The following MACF1 variants were observed in gnomAD, a reference collection of about 807,000 sequenced individuals.
MACF1 encodes microtubule actin crosslinking factor 1, also known as microtubule-actin cross-linking factor 1.
MACF1 carries 193 observed loss-of-function variants against 854.8 expected under a neutral mutation model. The observed-to-expected ratio is 0.23, with a 90% CI of 0.20 to 0.25. The LOEUF is 0.25. Among genes scored for constraint, MACF1 ranks in the 10% least tolerant of loss-of-function variants. The probability of loss-of-function intolerance (pLI) is 1.00; values close to 1 mark genes in which losing one functional copy is unlikely to be tolerated. For synonymous variants in MACF1, 3,185 were observed against 3,226.7 expected, an observed-to-expected ratio of 0.99 and a Z score of 0.44; for missense variants, 7,722 against 8,929.1, an observed-to-expected ratio of 0.86 and a Z score of 5.45.
In MACF1 at chr1:39,336,640, T is replaced by C. The variant is rs1181215538; in HGVS notation, c.10052T>C (p.Phe3351Ser). Residue 3351 changes from phenylalanine to serine, a missense_variant, in exon 37 of 101, where the codon TTC becomes TCC. Physicochemically the swap from Phe to Ser is radical, Grantham distance 155. Around this residue, in one of 15 missense-constraint regions of MACF1, gnomAD observed 854 missense variants for 852.6 expected, o/e 1.00. Coordinates refer to ENST00000564288, the MANE Select transcript of MACF1 (RefSeq NM_001394062.1). ...KGNGGVNPEP[F>S]RATQNVFTRQ... The stretch of plus-strand genomic sequence containing the variant: ...AATGGAGGTGTAAACCCAGAGCCCT[T>C]CAGAGCAACTCAGGTCAGTGGTGTG... 1 of 1,599,578 alleles carries C rather than the reference T, an allele frequency of 6.3e-7. No homozygotes were observed. The highest frequency in any genetic ancestry group is 1.4e-5 in the African/African-American group (1 of 73,516).
intron 2 of MACF1, among the ~76,000 whole-genome samples, chr1:39,144,342 A>G (rs1285965243): frequency 6.6e-6 from 1 of 152,072 alleles, no homozygotes; most frequent in Non-Finnish European, 1.5e-5. Flanking sequence ...CGGCCTCCCA[A>G]AGTGCTGGGA....
At chr1:39,404,091 G>A in intron 58 of MACF1, among the ~76,000 whole-genome samples, 1 of 151,524 alleles carries the variant, frequency 6.6e-6, no homozygotes, top group Non-Finnish European at 1.5e-5. Context: ...TCGTGCCACT[G>A]CATTCCAGCC....
chr1:39,336,129 GCA>G lies in MACF1; in HGVS notation c.9542_9543del (p.Ala3181GlufsTer4). The G allele has an allele frequency of 6.2e-7, 1 of 1,614,128 alleles. No individual in the cohort carries two copies. On this transcript the variant is annotated frameshift_variant, in exon 37 of 101. Transcript: ENST00000564288. LOFTEE classifies it high-confidence loss of function. ...ATACCAAGAAGTATCTTTTGACCCA[GCA>G]AGAGGTCTTAAATTGGAAGAAATCA... is the stretch of plus-strand genomic sequence containing the variant. Reference protein sequence around the residue: ...KSYQEVSFDPARGLKLEEITV... With the variant: ...KSYQEVSFDPXRGLKLEEITV...
chr1:39,411,661 A>G (rs1320656574), intron 58 of MACF1: 1 of 1,613,932 alleles, frequency 6.2e-7, no homozygotes, highest in Non-Finnish European at 8.5e-7. Context: ...CTCAGTGCAG[A>G]TGTTTCTTGA....
At chr1:39,184,014 T>C (rs1644136837) in intron 2 of MACF1, among the ~76,000 whole-genome samples, 1 of 152,182 alleles carries the variant, frequency 6.6e-6, no homozygotes. Context: ...ACAGGAACCT[T>C]GATTGAGCTG....
At chr1:39,292,182 CTT>C in intron 16 of MACF1, 144 bp downstream of exon 16, 1 of 919,344 alleles carries the variant, frequency 1.1e-6, no homozygotes, top group Non-Finnish European at 1.6e-6. Flanking sequence ...GACAAATTCC[CTT>C]TTCACATGAA....
chr1:39,125,111 CAAAA>C (rs977828195), intron 2 of MACF1, among the ~76,000 whole-genome samples: 1 of 151,342 alleles, frequency 6.6e-6, no homozygotes, highest in Non-Finnish European at 1.5e-5. Flanking sequence ...AGCAATTAAA[CAAAA>C]AAAGACAAAA....
chr1:39,413,039 C>T (rs540075106), intron 58 of MACF1: 2 of 1,589,940 alleles, frequency 1.3e-6, no homozygotes, highest in Admixed American at 1.8e-5. Context: ...GCAGTTGCTG[C>T]AGTGTCCTCC....
chr1:39,103,104 A>C, intron 2 of MACF1: 1 of 552,024 alleles, frequency 1.8e-6, no homozygotes, highest in Non-Finnish European at 3.3e-6. Flanking sequence ...CTCTAGCCAC[A>C]ACCTAAAGCA....
Position 39,205,052 on chromosome 1 carries a change from A to G in MACF1, c.30A>G (p.Pro10=). Residue 10 remains proline, a synonymous_variant, in exon 1 of 101, where the codon CCA becomes CCG. Transcript: ENST00000564288. MPLLDSSYL[P]PTIFILTHVL... The stretch of plus-strand genomic sequence containing the variant: ...CCCTCTTAGATTCATCTTATTTACC[A>G]CCAACCATCTTTATTTTGACTCACG... 1 of 702,916 alleles carries G rather than the reference A, an allele frequency of 1.4e-6. No homozygotes were observed. Among genetic ancestry groups the G allele is most frequent in the Non-Finnish European group, 2.6e-6 (1 of 384,988 alleles). 43.5% of individuals were successfully genotyped at this position (702,916 alleles called of 1,614,324 possible).
At chr1:39,143,653 A>G (rs1383089043) in intron 2 of MACF1, among the ~76,000 whole-genome samples, 2 of 152,178 alleles carry the variant, frequency 1.3e-5, no homozygotes, top group East Asian at 3.8e-4. Flanking sequence ...TTACTGTTAC[A>G]TCTTACCACT....
rs942006599 is a variant in MACF1, at chr1:39,180,953, C to T, written c.221-50229C>T. On this transcript the variant is annotated intron_variant, in intron 2 of 93. Transcript: ENST00000361689. ...ACAGGGTCTGGCTCTGTTGCCCAGG[C>T]TCGACTACAGTAGCCCATCTCTGTT... Among the ~76,000 whole-genome samples the T allele has an allele frequency of 2.0e-5, 3 of 152,162 alleles. No homozygotes were observed. In the South Asian group the frequency reaches 6.2e-4, roughly 32 times the overall value.
At chr1:39,224,960 G>A (rs549926395) in intron 1 of MACF1, among the ~76,000 whole-genome samples, 1 of 152,222 alleles carries the variant, frequency 6.6e-6, no homozygotes. Flanking sequence ...TGAGGTGGGA[G>A]GATCACATGA....
chr1:39,275,349 T>G (rs1557557968), intron 6 of MACF1, among the ~76,000 whole-genome samples: 2 of 152,094 alleles, frequency 1.3e-5, no homozygotes, highest in Admixed American at 6.6e-5. Context: ...CCCAAAGTGC[T>G]GGAATTACGG....
At chr1:39,328,704 C>G (rs1646662908) in intron 36 of MACF1, 4 of 152,260 alleles carry the variant, frequency 2.6e-5, no homozygotes, top group Admixed American at 2.6e-4. Context: ...CCCTGCAACT[C>G]TGGTAAGTAG....
chr1:39,175,100 C>CT (rs1160263171), intron 2 of MACF1, among the ~76,000 whole-genome samples: 1 of 152,094 alleles, frequency 6.6e-6, no homozygotes, highest in Non-Finnish European at 1.5e-5. Flanking sequence ...TTTAGAAGGA[C>CT]TTTCTTGGCT....
intron 6 of MACF1, among the ~76,000 whole-genome samples, chr1:39,270,844 A>G (rs962017937): frequency 6.6e-6 from 1 of 152,164 alleles, no homozygotes; most frequent in Non-Finnish European, 1.5e-5. Context: ...AAGGCTGAGG[A>G]TAGATACAAA....
At chr1:39,355,347 G>T (rs758934943) in intron 44 of MACF1, among the ~76,000 whole-genome samples, 9 of 152,066 alleles carry the variant, frequency 5.9e-5, no homozygotes, top group Non-Finnish European at 1.2e-4. Context: ...GAGTTGGAAG[G>T]TGAGAATGAA....
chr1:39,433,655 T>G lies in MACF1; in HGVS notation c.17565+500T>G, dbSNP rs187778887. Among the ~76,000 whole-genome samples the G allele has an allele frequency of 2.9e-4, 44 of 152,336 alleles. 1 individual carries two copies. Among genetic ancestry groups the G allele is most frequent in the African/African-American group, 1.1e-3 (44 of 41,576 alleles). On this transcript the variant is annotated intron_variant, in intron 68 of 100. Transcript: ENST00000564288. ...CATAAACTGACTGAGCTACTCATCC[T>G]AAACATTTGAAGCATAAATGGCAGG...
Sources: gnomAD v4.1 joint callset for allele counts (sites outside exome capture counted in the v4.1 genomes callset) on GRCh38, gnomAD v4.1.1 for gene constraint, gnomAD v4.1.1 regional missense constraint, MANE v1.5 for transcripts, NCBI Gene and HGNC (gene_info 2026-07-23, HGNC 2026-07-21) for gene names.